Variants in HSDL2 observed in about 807,000 individuals in gnomAD.
The protein encoded by HSDL2 is hydroxysteroid dehydrogenase-like protein 2.
Under a neutral mutation model 46.3 loss-of-function variants are expected in HSDL2, and 27 were observed. The observed-to-expected ratio is 0.58, with a 90% confidence interval of 0.43 to 0.80. The LOEUF (loss-of-function observed/expected upper bound fraction) is 0.80. Ranked by LOEUF, HSDL2 falls within the 30% of genes least tolerant of loss-of-function variation. The pLI, the probability that HSDL2 is intolerant of heterozygous loss-of-function variation, is 0.00. For synonymous variants in HSDL2, 153 were observed against 163.6 expected, an observed-to-expected ratio of 0.94 and a Z score of 0.50; for missense variants, 451 against 502.7, an observed-to-expected ratio of 0.90 and a Z score of 0.98.
At chr9:112,403,385 G>C (rs1246188745) in intron 1 of HSDL2, among the ~76,000 whole-genome samples, 3 of 152,114 alleles carry the variant, frequency 2.0e-5, no homozygotes, top group African/African-American at 4.8e-5. Context: ...AATGTTTTTG[G>C]TTCATCCATG....
intron 1 of HSDL2, among the ~76,000 whole-genome samples, chr9:112,401,744 G>A (rs1831601140): frequency 6.6e-6 from 1 of 152,068 alleles, no homozygotes; most frequent in Non-Finnish European, 1.5e-5. Flanking sequence ...GATAGAGTTG[G>A]AGAGGAATAT....
intron 1 of HSDL2, among the ~76,000 whole-genome samples, chr9:112,390,963 G>A (rs1212385010): frequency 6.6e-6 from 1 of 152,030 alleles, no homozygotes; most frequent in Non-Finnish European, 1.5e-5. Flanking sequence ...ATCACTTGAG[G>A]TCAGGAGTTC....
chr9:112,399,327 TG>T (rs766195077), intron 1 of HSDL2, among the ~76,000 whole-genome samples: 2 of 152,162 alleles, frequency 1.3e-5, no homozygotes, highest in Non-Finnish European at 2.9e-5. Flanking sequence ...AAAGATCACA[TG>T]CTTCAAAGGG....
At chr9:112,446,203 C>T (rs10739350) in intron 8 of HSDL2, among the ~76,000 whole-genome samples, 145,418 of 152,162 alleles carry the variant, frequency 0.96, 69,552 homozygotes, top group African/African-American at 0.98. Flanking sequence ...CTTTTGGCTC[C>T]CTTCCCTGTC....
chr9:112,418,816 A>C (rs1318928510), intron 5 of HSDL2, 44 bp from the exon 6 acceptor site: 1 of 1,123,540 alleles, frequency 8.9e-7, no homozygotes, highest in Non-Finnish European at 1.3e-6. Flanking sequence ...TAATCAAATT[A>C]ATTTCTTTTA....
rs1175994941 is a variant in HSDL2, at chr9:112,470,544, A to T, written c.1257A>T (p.Ter419CysextTer4). 2.6e-6 allele frequency: 4 copies of T among 1,553,510 alleles called. No homozygotes were observed. The African/African-American group carries it at 5.5e-5, about 21-fold the overall frequency. ...KLMNQMNARL[*>C] Reference sequence around the variant, plus strand: ...TGAATCAGATGAATGCCAGACTGTGAAGGAAAATATAAAAAAAAAGTCGAC... The same window carrying T: ...TGAATCAGATGAATGCCAGACTGTGTAGGAAAATATAAAAAAAAAGTCGAC... The change falls in exon 11 of 11, where the codon TGA (stop) becomes TGT (cysteine). Residue 419 changes from the stop codon to cysteine (C), a stop_lost. Coordinates refer to ENST00000398805, the MANE Select transcript of HSDL2 (RefSeq NM_032303.5).
intron 9 of HSDL2, among the ~76,000 whole-genome samples, chr9:112,454,526 C>T (rs1276163718): frequency 6.6e-6 from 1 of 151,946 alleles, no homozygotes; most frequent in Non-Finnish European, 1.5e-5. Flanking sequence ...CAAATACTCC[C>T]AGTGTTATAT....
chr9:112,462,148 T>C (rs1833229040), intron 10 of HSDL2, among the ~76,000 whole-genome samples: 1 of 152,212 alleles, frequency 6.6e-6, no homozygotes, highest in Non-Finnish European at 1.5e-5. Flanking sequence ...ATGCCTAATT[T>C]ATGTAGTGGA....
intron 1 of HSDL2, among the ~76,000 whole-genome samples, chr9:112,394,815 G>A (rs1401917746): frequency 6.6e-6 from 1 of 152,154 alleles, no homozygotes; most frequent in Non-Finnish European, 1.5e-5. Flanking sequence ...ATTAAATGCA[G>A]TGCCTTCTTC....
At chr9:112,381,119 A>ACACACACACACACACACACACC (rs1207973664) in intron 1 of HSDL2, among the ~76,000 whole-genome samples, 1 of 152,094 alleles carries the variant, frequency 6.6e-6, no homozygotes, top group African/African-American at 2.4e-5. Flanking sequence ...ACACACACAT[A>ACACACACACACACACACACACC]CCCTTTCTTA....
At chr9:112,390,477 C>T (rs1327355846) in intron 1 of HSDL2, among the ~76,000 whole-genome samples, 1 of 152,132 alleles carries the variant, frequency 6.6e-6, no homozygotes, top group African/African-American at 2.4e-5. Flanking sequence ...TATTTAGAGA[C>T]AGGGTCTCGC....
intron 9 of HSDL2, among the ~76,000 whole-genome samples, chr9:112,455,278 G>GT (rs986925744): frequency 2.1e-5 from 3 of 145,708 alleles, no homozygotes; most frequent in African/African-American, 7.7e-5. Flanking sequence ...TAAAATTCGT[G>GT]TTAAAAAAAA....
intron 6 of HSDL2, among the ~76,000 whole-genome samples, chr9:112,423,697 C>T (rs1832178540): frequency 6.6e-6 from 1 of 151,254 alleles, no homozygotes; most frequent in African/African-American, 2.4e-5. Flanking sequence ...GAGGCAGCTA[C>T]AATTCTAGAT....
intron 10 of HSDL2, among the ~76,000 whole-genome samples, chr9:112,468,603 C>T (rs1190721776): frequency 6.6e-6 from 1 of 151,970 alleles, no homozygotes; most frequent in African/African-American, 2.4e-5. Flanking sequence ...CCCTCTCCTT[C>T]ATCCCCTCTT....
At chr9:112,380,288 A>G (rs967392541) in intron 1 of HSDL2, 108 bp downstream of exon 1, 1 of 1,078,314 alleles carries the variant, frequency 9.3e-7, no homozygotes, top group Non-Finnish European at 1.3e-6. Flanking sequence ...TGGGAGGTCA[A>G]GGATACTGCC....
intron 6 of HSDL2, among the ~76,000 whole-genome samples, 174 bp from the exon 7 acceptor site, chr9:112,438,253 CAAAA>C (rs916243449): frequency 4.0e-5 from 6 of 151,776 alleles, no homozygotes; most frequent in Non-Finnish European, 7.4e-5. Context: ...AAAATAAAAA[CAAAA>C]AAACAAAAAA....
At chr9:112,451,426 TG>T (rs1454152946) in intron 8 of HSDL2, among the ~76,000 whole-genome samples, 1 of 152,218 alleles carries the variant, frequency 6.6e-6, no homozygotes, top group Non-Finnish European at 1.5e-5. Flanking sequence ...GAAGACGAAC[TG>T]TTGGCCACAT....
intron 4 of HSDL2, among the ~76,000 whole-genome samples, chr9:112,412,180 T>C (rs1196439812): frequency 2.0e-5 from 3 of 152,246 alleles, no homozygotes; most frequent in Non-Finnish European, 4.4e-5. Context: ...TTAAGTATAA[T>C]GCAGATATTT....
intron 1 of HSDL2, among the ~76,000 whole-genome samples, chr9:112,401,179 T>C (rs1323358885): frequency 6.6e-6 from 1 of 152,070 alleles, no homozygotes; most frequent in Middle Eastern, 3.2e-3. Flanking sequence ...AAGTAAAAAG[T>C]TTAAATGAAC....
Sources: allele counts gnomAD v4.1 joint callset (sites outside exome capture counted in the v4.1 genomes callset), GRCh38; gene constraint gnomAD v4.1.1; transcripts MANE v1.5; gene names NCBI Gene and HGNC (gene_info 2026-07-23, HGNC 2026-07-21).